NRXN1: variants seen among roughly 807,000 people sequenced by gnomAD.
The protein encoded by NRXN1 is neurexin-1.
Under a neutral mutation model 150.9 loss-of-function variants are expected in NRXN1, and 39 were observed. The observed-to-expected ratio is 0.26, with a 90% CI of 0.20 to 0.34. The LOEUF (loss-of-function observed/expected upper bound fraction) is 0.34. NRXN1 is among the 10% of genes least tolerant of loss of function. The pLI is 1.00. For missense variants in NRXN1, 1,815 were observed against 1,949.9 expected, an observed-to-expected ratio of 0.93 and a Z score of 1.30; for synonymous variants, 924 against 757.0, an observed-to-expected ratio of 1.22 and a Z score of -3.62.
intron 16 of NRXN1, among the ~76,000 whole-genome samples, chr2:50,467,653 GTAATAA>G (rs534629820): frequency 5.3e-5 from 8 of 150,654 alleles, no homozygotes; most frequent in Admixed American, 2.7e-4. Flanking sequence ...TCTTAATTCT[GTAATAA>G]TAATAATAAT....
chr2:50,969,721 C>T (rs1694710766), intron 2 of NRXN1, among the ~76,000 whole-genome samples: 1 of 152,066 alleles, frequency 6.6e-6, no homozygotes, highest in Admixed American at 6.6e-5. Context: ...ATGACTATAT[C>T]TAGATCAAAG....
At chr2:50,302,952 T>C (rs1397774673) in intron 17 of NRXN1, among the ~76,000 whole-genome samples, 2 of 152,150 alleles carry the variant, frequency 1.3e-5, no homozygotes, top group African/African-American at 4.8e-5. Context: ...CATCCATCTA[T>C]TCATTTGTTC....
At chr2:50,091,089 GTCCT>G (rs1699491234) in intron 19 of NRXN1, among the ~76,000 whole-genome samples, 1 of 152,120 alleles carries the variant, frequency 6.6e-6, no homozygotes, top group Admixed American at 6.6e-5. Flanking sequence ...TTTCATTGAT[GTCCT>G]GAATTTTGAA....
intron 17 of NRXN1, among the ~76,000 whole-genome samples, chr2:50,281,316 C>CACAAAAAAAAAAAAACAAACAAACAAAA (rs1187135501): frequency 1.6e-5 from 2 of 124,630 alleles, no homozygotes; most frequent in African/African-American, 5.7e-5. Context: ...GACTCCGTCT[C>CACAAAAAAAAAAAAACAAACAAACAAAA]AAAAACAATA....
At chr2:50,591,824 C>G (rs1674316817) in intron 8 of NRXN1, among the ~76,000 whole-genome samples, 1 of 152,180 alleles carries the variant, frequency 6.6e-6, no homozygotes, top group African/African-American at 2.4e-5. Flanking sequence ...AGTTAGGCGC[C>G]CTTCAGCGAA....
intron 19 of NRXN1, among the ~76,000 whole-genome samples, chr2:50,082,592 A>G (rs1168964648): frequency 3.3e-5 from 5 of 152,230 alleles, no homozygotes; most frequent in Admixed American, 6.5e-5. Context: ...TTAAAAGTAA[A>G]AAGTTCATTA....
intron 22 of NRXN1, among the ~76,000 whole-genome samples, chr2:49,923,376 A>G (rs1668555021): frequency 6.6e-6 from 1 of 152,172 alleles, no homozygotes; most frequent in South Asian, 2.1e-4. Context: ...CTTGTCTTAC[A>G]TAAAAATATT....
At chr2:50,665,470 T>G (rs2104679397) in intron 5 of NRXN1, among the ~76,000 whole-genome samples, 1 of 152,010 alleles carries the variant, frequency 6.6e-6, no homozygotes, top group Admixed American at 6.6e-5. Context: ...ATAAATAATC[T>G]GCCGAATCAA....
chr2:50,865,627 G>T (rs1393886396), intron 5 of NRXN1, among the ~76,000 whole-genome samples: 1 of 123,262 alleles, frequency 8.1e-6, no homozygotes, highest in Non-Finnish European at 1.7e-5. Flanking sequence ...GTAGCACCTG[G>T]CACACAGTAA....
chr2:50,084,580 C>T (rs934646579), intron 19 of NRXN1, among the ~76,000 whole-genome samples: 1 of 152,156 alleles, frequency 6.6e-6, no homozygotes, highest in African/African-American at 2.4e-5. Flanking sequence ...GGTTCCCGCC[C>T]GTGCCTCTCC....
chr2:50,951,611 GT>G (rs1691348701), intron 2 of NRXN1, among the ~76,000 whole-genome samples: 1 of 151,720 alleles, frequency 6.6e-6, no homozygotes, highest in African/African-American at 2.4e-5. Flanking sequence ...AAAAAAAAAT[GT>G]CACCAACTGT....
chr2:50,246,724 T>A (rs554834560), intron 17 of NRXN1, among the ~76,000 whole-genome samples: 2 of 124,390 alleles, frequency 1.6e-5, no homozygotes, highest in South Asian at 4.9e-4. Context: ...TTTAGGCTTC[T>A]CTGCTGCACC....
chr2:50,653,280 C>G (rs1184869805), intron 5 of NRXN1, among the ~76,000 whole-genome samples: 1 of 152,024 alleles, frequency 6.6e-6, no homozygotes, highest in African/African-American at 2.4e-5. Flanking sequence ...ATGCTCCACT[C>G]TACCACATGT....
intron 21 of NRXN1, among the ~76,000 whole-genome samples, chr2:50,005,636 AAC>A (rs1173154998): frequency 6.6e-6 from 1 of 152,082 alleles, no homozygotes; most frequent in African/African-American, 2.4e-5. Flanking sequence ...CAAAAACAAA[AAC>A]ACACTCTTCC....
chr2:50,219,117 C>A (rs2063610323), intron 18 of NRXN1, among the ~76,000 whole-genome samples: 1 of 151,936 alleles, frequency 6.6e-6, no homozygotes, highest in South Asian at 2.1e-4. Context: ...GACCTGTTTT[C>A]ATTATATTCA....
chr2:50,049,203 T>A (rs1692305833), intron 21 of NRXN1, among the ~76,000 whole-genome samples: 1 of 152,164 alleles, frequency 6.6e-6, no homozygotes, highest in Non-Finnish European at 1.5e-5. Context: ...ATAATTACAC[T>A]GAACATCAGG....
At chr2:50,999,634 C>A (rs569978752) in intron 2 of NRXN1, among the ~76,000 whole-genome samples, 49 of 152,070 alleles carry the variant, frequency 3.2e-4, no homozygotes, top group Non-Finnish European at 5.0e-4. Flanking sequence ...TAGAAAAGAA[C>A]CTACGTGAAA....
At chr2:50,500,010 T>C (rs944473766) in intron 13 of NRXN1, among the ~76,000 whole-genome samples, 15 of 151,944 alleles carry the variant, frequency 9.9e-5, no homozygotes, top group South Asian at 6.2e-4. Flanking sequence ...TTTTATTCTA[T>C]GCCACATTAA....
intron 5 of NRXN1, among the ~76,000 whole-genome samples, chr2:50,723,187 A>G (rs1696897478): frequency 6.6e-6 from 1 of 152,210 alleles, no homozygotes; most frequent in African/African-American, 2.4e-5. Context: ...TCCAAGATCT[A>G]TAATTGCACA....
Sources: allele counts gnomAD v4.1 joint callset (sites outside exome capture counted in the v4.1 genomes callset), GRCh38; gene constraint gnomAD v4.1.1; transcripts MANE v1.5; gene names NCBI Gene and HGNC (gene_info 2026-07-23, HGNC 2026-07-21).